Variants in NRG1 observed in about 807,000 individuals in gnomAD.
NRG1 encodes the protein neuregulin 1.
In NRG1, 18 loss-of-function variants were observed where a neutral mutation model predicts 63.8. That is an observed-to-expected ratio of 0.28 (90% CI 0.19 to 0.42). NRG1 has a LOEUF of 0.42. Among genes scored for constraint, NRG1 ranks in the 10% least tolerant of loss-of-function variants. NRG1 has a pLI of 1.00. For missense variants in NRG1, 762 were observed against 814.7 expected (o/e 0.94, Z 0.79); for synonymous variants, 302 against 301.3 (o/e 1.00, Z -0.02).
At chr8:32,748,675 G>T (rs1365552615) in intron 7 of NRG1, 1 of 456,184 alleles carries the variant, frequency 2.2e-6, no homozygotes, top group Admixed American at 2.4e-5. Context: ...GTGTGCATGG[G>T]AGTCCAGCAT....
At chr8:32,190,557 G>A (rs1348571201) in intron 1 of NRG1, among the ~76,000 whole-genome samples, 1 of 152,162 alleles carries the variant, frequency 6.6e-6, no homozygotes, top group Non-Finnish European at 1.5e-5. Flanking sequence ...TGAAGAGCAA[G>A]CAATCTTCAA....
intron 1 of NRG1, among the ~76,000 whole-genome samples, chr8:32,046,681 A>G (rs1224310657): frequency 6.6e-6 from 1 of 152,058 alleles, no homozygotes; most frequent in Non-Finnish European, 1.5e-5. Context: ...AAAGAAGTCA[A>G]CCTCAAAAAG....
At chr8:31,916,653 T>C (rs930454143) in intron 1 of NRG1, among the ~76,000 whole-genome samples, 2 of 152,108 alleles carry the variant, frequency 1.3e-5, no homozygotes, top group African/African-American at 4.8e-5. Context: ...TGAATAGTGC[T>C]GCAATAAACA....
Position 31,956,949 on chromosome 8 carries a change from C to T in NRG1, c.37+317518C>T, listed in dbSNP as rs560579867. Among the ~76,000 whole-genome samples the T allele has an allele frequency of 8.4e-4, 128 of 152,234 alleles. 1 individual carries two copies. Among genetic ancestry groups the T allele is most frequent in the Admixed American group, 1.6e-3 (25 of 15,288 alleles). On this transcript the variant is annotated intron_variant, in intron 1 of 10. Transcript: ENST00000519301. ...GGTTTGGAGAATAGATGTGAATTTT[C>T]ATTATTCATTCCCTTCTGAGAATTG...
At chr8:32,773,680 C>G (rs1218798585) in intron 7 of NRG1, among the ~76,000 whole-genome samples, 1 of 152,156 alleles carries the variant, frequency 6.6e-6, no homozygotes, top group East Asian at 1.9e-4. Flanking sequence ...TGTCTCCTGA[C>G]TCATCTACTT....
At chr8:32,034,618 A>G (rs1818760105) in intron 1 of NRG1, among the ~76,000 whole-genome samples, 1 of 152,140 alleles carries the variant, frequency 6.6e-6, no homozygotes, top group African/African-American at 2.4e-5. Flanking sequence ...TACTGCCTCA[A>G]TTTCAGAGCT....
chr8:32,184,575 T>G (rs531840885), intron 1 of NRG1, among the ~76,000 whole-genome samples: 1 of 152,318 alleles, frequency 6.6e-6, no homozygotes, highest in South Asian at 2.1e-4. Flanking sequence ...GCTACTATTT[T>G]TTTTTAATAT....
chr8:31,685,913 G>T (rs987431925), intron 1 of NRG1, among the ~76,000 whole-genome samples: 2 of 151,862 alleles, frequency 1.3e-5, no homozygotes, highest in African/African-American at 4.8e-5. Context: ...TGAACATTTG[G>T]GTTGCTTTTA....
chr8:32,497,466 G>T (rs1233833855), intron 1 of NRG1, among the ~76,000 whole-genome samples: 4 of 145,198 alleles, frequency 2.8e-5, no homozygotes, highest in Non-Finnish European at 4.5e-5. Context: ...AAAAAAAAAG[G>T]AAAATCTCTA....
chr8:31,846,401 C>G (rs35637444), intron 1 of NRG1, among the ~76,000 whole-genome samples: 1 of 152,200 alleles, frequency 6.6e-6, no homozygotes, highest in Non-Finnish European at 1.5e-5. Flanking sequence ...TTTTTATATT[C>G]TGGTTCATTA....
At chr8:31,774,396 C>G (rs910023206) in intron 1 of NRG1, among the ~76,000 whole-genome samples, 1 of 152,082 alleles carries the variant, frequency 6.6e-6, no homozygotes, top group Non-Finnish European at 1.5e-5. Flanking sequence ...TTCCTGCCTT[C>G]CTGTCTAGAG....
chr8:32,616,016 G>T (rs1273269730), intron 4 of NRG1, among the ~76,000 whole-genome samples: 2 of 152,066 alleles, frequency 1.3e-5, no homozygotes, highest in East Asian at 3.9e-4. Context: ...AACTTATCTT[G>T]GGAAATTGAC....
At chr8:31,773,109 T>C (rs1315080784) in intron 1 of NRG1, among the ~76,000 whole-genome samples, 1 of 152,112 alleles carries the variant, frequency 6.6e-6, no homozygotes, top group Non-Finnish European at 1.5e-5. Context: ...AAGTTTAGGG[T>C]TGTGGAACCT....
Position 32,742,101 on chromosome 8 carries a change from C to T in NRG1, c.633-574C>T. 1 of 1,589,480 alleles carries T rather than the reference C, an allele frequency of 6.3e-7. No individual in the cohort carries two copies. The highest frequency in any genetic ancestry group is 8.6e-7 in the Non-Finnish European group (1 of 1,157,944). ...GTATGTCAAAATAATCTGAAATTTG[C>T]TTTCTCCCCCAACTACAGCAACAAT... On this transcript the variant is annotated intron_variant, in intron 6 of 11. Transcript: ENST00000356819. The surrounding 1 kb of genome is among the most constrained non-coding windows in gnomAD (Gnocchi z 4.2).
At chr8:31,953,683 T>C (rs1183984025) in intron 1 of NRG1, among the ~76,000 whole-genome samples, 3 of 152,220 alleles carry the variant, frequency 2.0e-5, no homozygotes, top group South Asian at 4.1e-4. Context: ...TTATTTTTAA[T>C]ATAAAACACT....
chr8:31,841,074 G>GTATT (rs1443916643), intron 1 of NRG1, among the ~76,000 whole-genome samples: 1 of 152,172 alleles, frequency 6.6e-6, no homozygotes, highest in Non-Finnish European at 1.5e-5. Context: ...TCTGGTTATT[G>GTATT]TATTTGTGAT....
intron 1 of NRG1, among the ~76,000 whole-genome samples, chr8:32,040,282 T>A (rs1375919271): frequency 6.6e-6 from 1 of 152,226 alleles, no homozygotes; most frequent in Non-Finnish European, 1.5e-5. Flanking sequence ...TTTGCCTATG[T>A]GTATTTCAAT....
chr8:32,715,129 A>C (rs945126855), intron 5 of NRG1, among the ~76,000 whole-genome samples: 1 of 151,938 alleles, frequency 6.6e-6, no homozygotes, highest in South Asian at 2.1e-4. Context: ...GCTAATTTTT[A>C]AAATTGTTGT....
intron 1 of NRG1, among the ~76,000 whole-genome samples, chr8:32,337,653 C>CAAAAAAGAAAAAAA (rs1803456859): frequency 4.0e-5 from 1 of 24,704 alleles, no homozygotes; most frequent in Non-Finnish European, 7.4e-5. Context: ...AGAGTTATTG[C>CAAAAAAGAAAAAAA]AAAAAAAAAA....
Sources: gnomAD v4.1 joint callset for allele counts (sites outside exome capture counted in the v4.1 genomes callset) on GRCh38, gnomAD v4.1.1 for gene constraint, Gnocchi (gnomAD v3.1) non-coding constraint, MANE v1.5 for transcripts, NCBI Gene and HGNC (gene_info 2026-07-23, HGNC 2026-07-21) for gene names.